The following EYA2 variants were observed in gnomAD, a reference collection of about 807,000 sequenced individuals.
The protein encoded by EYA2 is EYA transcriptional coactivator and phosphatase 2, also known as protein phosphatase EYA2.
A neutral mutation model predicts 69.2 loss-of-function variants in EYA2; 31 were observed. The ratio of observed to expected loss-of-function variants is 0.45; its 90% CI spans 0.34 to 0.60. The LOEUF is 0.60. Ranked by LOEUF, EYA2 falls within the 20% of genes least tolerant of loss-of-function variation. The pLI is 0.02. For synonymous variants in EYA2, 257 were observed against 279.4 expected, an observed-to-expected ratio of 0.92 and a Z score of 0.80; for missense variants, 622 against 701.2, an observed-to-expected ratio of 0.89 and a Z score of 1.28.
At chr20:47,170,489 A>T (rs965399196) in intron 11 of EYA2, among the ~76,000 whole-genome samples, 8 of 151,944 alleles carry the variant, frequency 5.3e-5, no homozygotes, top group African/African-American at 1.9e-4. Flanking sequence ...TCTACTAAAA[A>T]TACAAAAATT....
chr20:47,137,936 C>G (rs1038959993), intron 9 of EYA2, among the ~76,000 whole-genome samples: 2 of 144,942 alleles, frequency 1.4e-5, no homozygotes, highest in African/African-American at 2.6e-5. Context: ...GGGAATTGAA[C>G]AATGAGAACA....
chr20:46,949,411 C>T (rs181106202), intron 1 of EYA2, among the ~76,000 whole-genome samples: 49 of 152,270 alleles, frequency 3.2e-4, no homozygotes, highest in Admixed American at 3.2e-3. Flanking sequence ...TCAAGACTTT[C>T]AGGTAAAAGT....
chr20:46,915,084 C>T, intron 1 of EYA2, among the ~76,000 whole-genome samples: 1 of 152,216 alleles, frequency 6.6e-6, no homozygotes, highest in Middle Eastern at 3.2e-3. Flanking sequence ...GCAATTACTG[C>T]TCCCCATCTC....
At chr20:47,102,910 A>G (rs1220616637) in intron 9 of EYA2, among the ~76,000 whole-genome samples, 1 of 152,124 alleles carries the variant, frequency 6.6e-6, no homozygotes, top group Non-Finnish European at 1.5e-5. Context: ...GTATTAGGCA[A>G]ATGCAAGGTG....
At chr20:46,963,863 A>G (rs1979628035) in intron 1 of EYA2, among the ~76,000 whole-genome samples, 1 of 152,230 alleles carries the variant, frequency 6.6e-6, no homozygotes, top group Admixed American at 6.5e-5. Context: ...AAGAGGTACT[A>G]TGGTGCAGGA....
Position 47,185,258 on chromosome 20 carries a change from A to G in EYA2, c.1536+1867A>G, listed in dbSNP as rs374889795. 1.2e-4 allele frequency among the ~76,000 whole-genome samples: 17 copies of G among 141,770 alleles called. No homozygotes were observed. The South Asian group carries it at 3.8e-3, about 31-fold the overall frequency. The allele number at this position is 141,770 out of a possible 152,430, so 93.0% of individuals were successfully genotyped here. ...CTTCCACCTTTGCTCATTCTCTCCC[A>G]GAAAAATGAATCACACTCTTTTTTT... On this transcript the variant is annotated intron_variant, in intron 15 of 15. Transcript: ENST00000327619.
intron 5 of EYA2, among the ~76,000 whole-genome samples, chr20:47,049,645 G>A (rs992880728): frequency 5.3e-4 from 79 of 150,270 alleles, no homozygotes; most frequent in African/African-American, 1.8e-3. Context: ...TTCGCCTTCC[G>A]CCATGAGTAA....
intron 9 of EYA2, among the ~76,000 whole-genome samples, chr20:47,134,979 T>G (rs1338411983): frequency 6.6e-6 from 1 of 151,728 alleles, no homozygotes; most frequent in Non-Finnish European, 1.5e-5. Flanking sequence ...TACAAAAAAT[T>G]AGCCGGGCGT....
At chr20:46,946,175 G>A (rs1978442191) in intron 1 of EYA2, among the ~76,000 whole-genome samples, 1 of 152,164 alleles carries the variant, frequency 6.6e-6, no homozygotes, top group African/African-American at 2.4e-5. Context: ...GATCCCTGCA[G>A]GATTGCTGGA....
intron 9 of EYA2, among the ~76,000 whole-genome samples, chr20:47,102,387 G>A (rs1233761813): frequency 6.6e-6 from 1 of 152,226 alleles, no homozygotes; most frequent in Admixed American, 6.5e-5. Context: ...GGAAACTGGA[G>A]TAATCCTTCC....
chr20:47,094,130 A>G (rs2032175916), intron 8 of EYA2, among the ~76,000 whole-genome samples: 1 of 152,210 alleles, frequency 6.6e-6, no homozygotes, highest in Admixed American at 6.5e-5. Context: ...AGAATCGAGG[A>G]TGGTGAGGTA....
intron 5 of EYA2, among the ~76,000 whole-genome samples, chr20:47,038,170 G>A (rs1366831958): frequency 6.6e-5 from 10 of 152,174 alleles, no homozygotes. Context: ...TTAGGAAGCT[G>A]ATGATTTTAG....
intron 9 of EYA2, among the ~76,000 whole-genome samples, chr20:47,129,741 C>T (rs547856401): frequency 3.7e-4 from 57 of 152,146 alleles, no homozygotes; most frequent in Non-Finnish European, 6.6e-4. Context: ...CCCTCACCGC[C>T]CCCCTCTCTT....
intron 13 of EYA2, 125 bp downstream of exon 13, chr20:47,180,037 TA>T (rs1221141995): frequency 1.5e-6 from 1 of 668,066 alleles, no homozygotes; most frequent in Non-Finnish European, 2.5e-6. Context: ...ACTTTCCAAA[TA>T]TTTTTTTTTT....
At chr20:46,913,456 T>C (rs1984748539) in intron 1 of EYA2, among the ~76,000 whole-genome samples, 1 of 152,094 alleles carries the variant, frequency 6.6e-6, no homozygotes, top group Non-Finnish European at 1.5e-5. Flanking sequence ...TGGGAGTCCC[T>C]GGAGGAATGG....
chr20:47,079,813 G>A (rs1272842257), intron 7 of EYA2, among the ~76,000 whole-genome samples: 1 of 152,056 alleles, frequency 6.6e-6, no homozygotes, highest in Admixed American at 6.5e-5. Context: ...AAAAGCAGGA[G>A]GCAGAATTAC....
intron 1 of EYA2, among the ~76,000 whole-genome samples, chr20:46,914,506 C>T (rs1400394393): frequency 6.6e-6 from 1 of 152,170 alleles, no homozygotes; most frequent in African/African-American, 2.4e-5. Flanking sequence ...AACTTACAAT[C>T]ATGGCGGAAG....
chr20:47,101,421 G>T (rs1049516440), intron 9 of EYA2, among the ~76,000 whole-genome samples: 1 of 152,170 alleles, frequency 6.6e-6, no homozygotes. Flanking sequence ...CTCAGAAGTT[G>T]CAGGCATCAC....
At chr20:47,000,729 G>A (rs1161853882) in intron 2 of EYA2, among the ~76,000 whole-genome samples, 1 of 152,132 alleles carries the variant, frequency 6.6e-6, no homozygotes, top group African/African-American at 2.4e-5. Flanking sequence ...GACATTGTGT[G>A]CTGAGTGATT....
Sources: gnomAD v4.1 joint callset for allele counts (sites outside exome capture counted in the v4.1 genomes callset) on GRCh38, gnomAD v4.1.1 for gene constraint, MANE v1.5 for transcripts, NCBI Gene and HGNC (gene_info 2026-07-23, HGNC 2026-07-21) for gene names.